Variants in TP63 observed in about 807,000 individuals in gnomAD.
TP63 encodes tumor protein 63.
In TP63, 17 loss-of-function variants were observed where a neutral mutation model predicts 82.8. That is an observed-to-expected ratio of 0.21 (90% CI 0.14 to 0.31). The LOEUF (loss-of-function observed/expected upper bound fraction) is 0.31, where lower values mean the gene tolerates loss of function less well. Ranked by LOEUF, TP63 falls within the 10% of genes least tolerant of loss-of-function variation. TP63 has a pLI of 1.00. For missense variants in TP63, 648 were observed against 895.3 expected (o/e 0.72, Z 3.52); for synonymous variants, 330 against 321.7 (o/e 1.03, Z -0.28).
At chr3:189,720,385 A>G (rs1719290179) in intron 1 of TP63, among the ~76,000 whole-genome samples, 1 of 152,186 alleles carries the variant, frequency 6.6e-6, no homozygotes. Flanking sequence ...CTTCTCATAC[A>G]TTGTACATAG....
chr3:189,822,007 G>C (rs979657673), intron 4 of TP63, among the ~76,000 whole-genome samples: 9 of 152,160 alleles, frequency 5.9e-5, no homozygotes, highest in Non-Finnish European at 1.2e-4. Context: ...AAAGAATTCA[G>C]CTTTGTGGTC....
the TP63 span, among the ~76,000 whole-genome samples, chr3:189,620,506 C>CAAAAAAA: frequency 1.4e-5 from 1 of 69,000 alleles, no homozygotes; most frequent in East Asian, 3.9e-4. Context: ...AAGACTCCAT[C>CAAAAAAA]AAAAAAAAAA....
intron 4 of TP63, among the ~76,000 whole-genome samples, chr3:189,824,916 C>T (rs898793572): frequency 4.6e-5 from 7 of 151,828 alleles, no homozygotes; most frequent in Non-Finnish European, 7.4e-5. Flanking sequence ...GAGCTATCAT[C>T]AGACAGCAGC....
rs1238793245 is a variant in TP63 at position 189,649,855 on chromosome 3, C to T, written c.62+18278C>T. 4.1e-5 allele frequency among the ~76,000 whole-genome samples: 6 copies of T among 146,190 alleles called. 1 individual carries two copies. Among genetic ancestry groups the T allele is most frequent in the African/African-American group, 7.7e-5 (3 of 38,952 alleles). On this transcript the variant is annotated intron_variant, in intron 1 of 13. Coordinates refer to ENST00000264731, the MANE Select transcript of TP63 (RefSeq NM_003722.5). ...ACAGGGAAATAGGAGAAGAGAGCAA[C>T]TGATGAGGAACAGGGATGTGACGTG...
intron 1 of TP63, among the ~76,000 whole-genome samples, chr3:189,648,722 T>C (rs1712630436): frequency 6.8e-6 from 1 of 147,422 alleles, no homozygotes; most frequent in Non-Finnish European, 1.5e-5. Flanking sequence ...CAGAATTCAG[T>C]GTTCTTCCTA....
In TP63 at chr3:189,808,155, A is replaced by G. The variant is rs934565011; in HGVS notation, c.325-117A>G. ...ATCAACGGTTTTACTTTGAATGTGA[A>G]GTGCTTCCGACGTGAGGTCCATCTC... On this transcript the variant is annotated intron_variant, in intron 3 of 13. Transcript: ENST00000264731. 12 of 1,547,970 alleles carry G rather than the reference A, an allele frequency of 7.8e-6. No homozygotes were observed. The African/African-American group carries it at 1.6e-4, about 21-fold the overall frequency.
chr3:189,844,217 G>A, intron 4 of TP63: 1 of 394,628 alleles, frequency 2.5e-6, no homozygotes, highest in Non-Finnish European at 5.0e-6. Context: ...TGTCTCCCAG[G>A]CTGGAGTGCA....
At chr3:189,700,366 C>G (rs1234211151) in intron 1 of TP63, among the ~76,000 whole-genome samples, 2 of 152,184 alleles carry the variant, frequency 1.3e-5, no homozygotes, top group East Asian at 3.9e-4. Flanking sequence ...GAATGCCTTA[C>G]TCTAGGTCAG....
intron 1 of TP63, among the ~76,000 whole-genome samples, chr3:189,642,131 T>A (rs1196490018): frequency 6.6e-6 from 1 of 152,134 alleles, no homozygotes; most frequent in Non-Finnish European, 1.5e-5. Context: ...TGCTAAACAG[T>A]TGCAGCTTTG....
the TP63 span, among the ~76,000 whole-genome samples, chr3:189,597,230 G>A: frequency 6.6e-6 from 1 of 152,196 alleles, no homozygotes; most frequent in Non-Finnish European, 1.5e-5. Context: ...CAAAGGTGGG[G>A]AAACCTTGGT....
chr3:189,603,129 C>G, the TP63 span, among the ~76,000 whole-genome samples: 2 of 152,060 alleles, frequency 1.3e-5, no homozygotes, highest in South Asian at 4.2e-4. Context: ...GGTTGAAAAC[C>G]AGTTATATAG....
chr3:189,793,109 G>A (rs1032687725), intron 3 of TP63, among the ~76,000 whole-genome samples: 20 of 152,112 alleles, frequency 1.3e-4, no homozygotes, highest in Middle Eastern at 6.8e-3. Flanking sequence ...CCATGCTGTT[G>A]CCATAGATTG....
chr3:189,673,086 C>T lies in TP63; in HGVS notation c.62+41509C>T, dbSNP rs186030352. Reference sequence around the variant, plus strand: ...GAACTCCTGACTTCAGGTGATCCACCCTCCTCAGCCTCCCAAAGTGCAGAT... The same window carrying T: ...GAACTCCTGACTTCAGGTGATCCACTCTCCTCAGCCTCCCAAAGTGCAGAT... On this transcript the variant is annotated intron_variant, in intron 1 of 13. Coordinates refer to ENST00000264731, the MANE Select transcript of TP63 (RefSeq NM_003722.5). 4.4e-3 allele frequency among the ~76,000 whole-genome samples: 641 copies of T among 145,582 alleles called. 3 individuals are homozygous for T. The highest frequency in any genetic ancestry group is 0.017 in the African/African-American group (601 of 35,320).
At chr3:189,667,237 C>T (rs1714480013) in intron 1 of TP63, among the ~76,000 whole-genome samples, 1 of 142,290 alleles carries the variant, frequency 7.0e-6, no homozygotes, top group African/African-American at 2.7e-5. Flanking sequence ...TACAGTGGTG[C>T]AATCTCTACT....
At chr3:189,825,894 T>A (rs1729298727) in intron 4 of TP63, among the ~76,000 whole-genome samples, 1 of 152,194 alleles carries the variant, frequency 6.6e-6, no homozygotes, top group African/African-American at 2.4e-5. Context: ...ATTCAGAGTT[T>A]ACAAGAAAGA....
At chr3:189,690,093 T>C (rs1490185252) in intron 1 of TP63, among the ~76,000 whole-genome samples, 6 of 149,232 alleles carry the variant, frequency 4.0e-5, no homozygotes, top group Admixed American at 4.0e-4. Flanking sequence ...AAACTCATAC[T>C]CAGCTACTTG....
intron 13 of TP63, among the ~76,000 whole-genome samples, chr3:189,891,283 G>A (rs1245251461): frequency 6.6e-6 from 1 of 152,176 alleles, no homozygotes; most frequent in East Asian, 1.9e-4. Flanking sequence ...TAAAAACATG[G>A]AGAGATGACA....
Position 189,882,018 on chromosome 3 carries a change from CA to C in TP63, c.1350-4364del, listed in dbSNP as rs5855276. 5.9e-3 allele frequency among the ~76,000 whole-genome samples: 825 copies of C among 139,690 alleles called. 9 individuals carry two copies. The highest frequency in any genetic ancestry group is 0.018 in the African/African-American group (696 of 38,706). The allele number at this position is 139,690 out of a possible 152,430, so 91.6% of individuals were successfully genotyped here. A position where few individuals can be genotyped will look rare whatever the true frequency, so the allele number is the denominator to read the frequency against. ...TAAAAGCTTCATAAGAAGTTCTAACCAAAAAAAAAAAATTAGTATTTTAGAT... is the reference window on the plus strand; with the variant it reads ...TAAAAGCTTCATAAGAAGTTCTAACCAAAAAAAAAAATTAGTATTTTAGAT... On this transcript the variant is annotated intron_variant, in intron 10 of 13. Transcript: ENST00000264731.
At chr3:189,697,747 G>C (rs1162283905) in intron 1 of TP63, among the ~76,000 whole-genome samples, 2 of 151,794 alleles carry the variant, frequency 1.3e-5, no homozygotes, top group African/African-American at 2.4e-5. Flanking sequence ...ATACTTTTCT[G>C]CATATAGATC....
Sources: allele counts gnomAD v4.1 joint callset (sites outside exome capture counted in the v4.1 genomes callset), GRCh38; gene constraint gnomAD v4.1.1; transcripts MANE v1.5; gene names NCBI Gene and HGNC (gene_info 2026-07-23, HGNC 2026-07-21).